The following NCMAP variants were observed in gnomAD, a reference collection of about 807,000 sequenced individuals.
NCMAP encodes noncompact myelin-associated protein.
In NCMAP, 8 loss-of-function variants were observed where a neutral mutation model predicts 7.8. That is an observed-to-expected ratio of 1.02 (90% CI 0.60 to 1.84). The LOEUF (loss-of-function observed/expected upper bound fraction) is 1.84, where lower values mean the gene tolerates loss of function less well. Among genes scored for constraint, NCMAP ranks in the 40% most tolerant of loss-of-function variants. NCMAP has a pLI of 0.00. For synonymous variants in NCMAP, 41 were observed against 52.9 expected (o/e 0.78, Z 0.98); for missense variants, 112 against 131.4 (o/e 0.85, Z 0.72).
intron 2 of NCMAP, among the ~76,000 whole-genome samples, chr1:24,600,381 T>A (rs78872447): frequency 0.034 from 5,162 of 152,152 alleles, 133 homozygotes; most frequent in Middle Eastern, 0.11. Context: ...CTCGAACTCC[T>A]GGGCTCAAGT....
chr1:24,604,511 G>A, intron 3 of NCMAP, among the ~76,000 whole-genome samples: 1 of 139,886 alleles, frequency 7.1e-6, no homozygotes, highest in Admixed American at 7.5e-5. Flanking sequence ...GGGATGTTGA[G>A]GCTGTAGTGA....
intron 1 of NCMAP, among the ~76,000 whole-genome samples, chr1:24,559,906 A>G (rs1651000296): frequency 6.6e-6 from 1 of 152,084 alleles, no homozygotes; most frequent in African/African-American, 2.4e-5. Context: ...TCACGCCTGT[A>G]ATCCCAGCAC....
chr1:24,604,830 T>C (rs1033105332), intron 3 of NCMAP, among the ~76,000 whole-genome samples: 4 of 147,972 alleles, frequency 2.7e-5, no homozygotes, highest in Admixed American at 1.4e-4. Context: ...AATACAAAAA[T>C]TTGGCTGGGC....
intron 1 of NCMAP, among the ~76,000 whole-genome samples, chr1:24,558,048 G>A (rs1330550004): frequency 2.6e-5 from 4 of 152,224 alleles, no homozygotes; most frequent in African/African-American, 7.2e-5. Flanking sequence ...TTTCAGTTTT[G>A]TGACGTCCTG....
intron 1 of NCMAP, among the ~76,000 whole-genome samples, chr1:24,593,857 ATTATTTATTTAT>A (rs139852120): frequency 3.5e-3 from 503 of 144,716 alleles, no homozygotes; most frequent in African/African-American, 8.2e-3. Flanking sequence ...GTTCAGAGCG[ATTATTTATTTAT>A]TTATTTATTT....
At chr1:24,593,751 C>T (rs1305310687) in intron 1 of NCMAP, among the ~76,000 whole-genome samples, 1 of 152,064 alleles carries the variant, frequency 6.6e-6, no homozygotes, top group Non-Finnish European at 1.5e-5. Flanking sequence ...GTAGACCCTT[C>T]GTGGGCTTCC....
At chr1:24,596,749 A>G (rs1652242772) in intron 2 of NCMAP, among the ~76,000 whole-genome samples, 1 of 152,220 alleles carries the variant, frequency 6.6e-6, no homozygotes, top group Non-Finnish European at 1.5e-5. Flanking sequence ...AGGCAAAAAA[A>G]CATCCCATCA....
intron 1 of NCMAP, among the ~76,000 whole-genome samples, chr1:24,561,059 G>A (rs996130242): frequency 1.1e-4 from 16 of 151,668 alleles, no homozygotes; most frequent in South Asian, 6.2e-4. Context: ...TCATCCCGGC[G>A]CAGTGGCTCA....
intron 1 of NCMAP, among the ~76,000 whole-genome samples, chr1:24,570,887 A>T (rs1651370473): frequency 6.6e-6 from 1 of 150,948 alleles, no homozygotes; most frequent in Non-Finnish European, 1.5e-5. Context: ...CAAATGAATG[A>T]GTTGGTGTTG....
intron 1 of NCMAP, among the ~76,000 whole-genome samples, chr1:24,570,059 C>T (rs1311233113): frequency 1.3e-5 from 2 of 150,198 alleles, no homozygotes; most frequent in Non-Finnish European, 2.9e-5. Flanking sequence ...AAGTGATCCT[C>T]CCACCTCAAC....
Position 24,605,841 on chromosome 1 carries a change from C to T in NCMAP, c.*94C>T. ...TCTCTGGCAGCTTCACAATGAGCTT[C>T]TTCTGGTCAGGTCGACAGAGACATC... On this transcript the variant is annotated 3_prime_UTR_variant, in exon 4 of 4. Coordinates refer to ENST00000374392, the MANE Select transcript of NCMAP (RefSeq NM_001010980.5). 1 of 1,465,246 alleles carries T rather than the reference C, an allele frequency of 6.8e-7. No individual in the cohort carries two copies. Among genetic ancestry groups the T allele is most frequent in the Non-Finnish European group, 9.4e-7 (1 of 1,066,790 alleles). The allele number at this position is 1,465,246 out of a possible 1,614,324, so 90.8% of individuals were successfully genotyped here.
rs1304985471 is a variant in NCMAP, at chr1:24,608,514, GGTAGAATGGC to G, written c.*2768_*2777del. On this transcript the variant is annotated 3_prime_UTR_variant, in exon 4 of 4. Transcript: ENST00000374392. Reference sequence around the variant, plus strand: ...TACTACTTAGGCCCAAGGAGCAAGGGGTAGAATGGCATCTAACCAGAGCAAAGCCATTTCT... The same window carrying G: ...TACTACTTAGGCCCAAGGAGCAAGGGATCTAACCAGAGCAAAGCCATTTCT... The G allele has an allele frequency of 6.6e-6, 1 of 152,238 alleles. No homozygotes were observed. The highest frequency in any genetic ancestry group is 2.4e-5 in the African/African-American group (1 of 41,430). 9.4% of individuals were successfully genotyped at this position (152,238 alleles called of 1,614,324 possible).
At chr1:24,573,040 G>A (rs1354773822) in intron 1 of NCMAP, among the ~76,000 whole-genome samples, 1 of 150,414 alleles carries the variant, frequency 6.6e-6, no homozygotes, top group Admixed American at 6.6e-5. Context: ...GAGCAACCAT[G>A]ACTGTGTGGG....
intron 3 of NCMAP, among the ~76,000 whole-genome samples, chr1:24,602,736 T>TG (rs1372913588): frequency 6.9e-6 from 1 of 145,368 alleles, no homozygotes; most frequent in African/African-American, 2.7e-5. Flanking sequence ...ACCCTGTCTC[T>TG]GGAAAAAAAA....
At chr1:24,587,070 A>G (rs1651902488) in intron 1 of NCMAP, among the ~76,000 whole-genome samples, 2 of 152,204 alleles carry the variant, frequency 1.3e-5, no homozygotes, top group Admixed American at 6.5e-5. Flanking sequence ...AAAGTTGGCC[A>G]AGGTCACACA....
chr1:24,566,355 G>A (rs1213481580), intron 1 of NCMAP, among the ~76,000 whole-genome samples: 1 of 152,176 alleles, frequency 6.6e-6, no homozygotes, highest in Non-Finnish European at 1.5e-5. Flanking sequence ...AATGGACTCT[G>A]CCTCTTGATG....
At chr1:24,561,841 C>A (rs1211607231) in intron 1 of NCMAP, among the ~76,000 whole-genome samples, 1 of 150,398 alleles carries the variant, frequency 6.6e-6, no homozygotes. Context: ...ACCTGGGAGG[C>A]AGAGGTTGCA....
At position 24,560,869 on chromosome 1, in the gene NCMAP, C is replaced by T. The variant is rs539329512; in HGVS notation, c.-8+4700C>T. Among the ~76,000 whole-genome samples, 10 of 152,146 alleles carry T rather than the reference C, an allele frequency of 6.6e-5. No homozygotes were observed. In the South Asian group the frequency reaches 1.5e-3, roughly 22 times the overall value. ...TTGAGGAAAACAAATGGTTAACTTG[C>T]TTGCGGAGAGCTTCTTAGGTGCCCA... is the stretch of plus-strand genomic sequence containing the variant. On this transcript the variant is annotated intron_variant, in intron 1 of 3. Transcript: ENST00000374392.
chr1:24,586,711 G>A (rs1314339040), intron 1 of NCMAP, among the ~76,000 whole-genome samples: 1 of 147,980 alleles, frequency 6.8e-6, no homozygotes, highest in African/African-American at 2.5e-5. Context: ...GCAGTGAGCT[G>A]AGATCGTCCC....
Sources: gnomAD v4.1 joint callset for allele counts (sites outside exome capture counted in the v4.1 genomes callset) on GRCh38, gnomAD v4.1.1 for gene constraint, MANE v1.5 for transcripts, NCBI Gene and HGNC (gene_info 2026-07-23, HGNC 2026-07-21) for gene names.